The following CHFR variants were observed in gnomAD, a reference collection of about 807,000 sequenced individuals.
The protein encoded by CHFR is checkpoint with forkhead and ring finger domains, also known as E3 ubiquitin-protein ligase CHFR.
In CHFR, 57 loss-of-function variants were observed where a neutral mutation model predicts 87.6. The observed-to-expected ratio is 0.65, with a 90% CI of 0.53 to 0.81. The LOEUF is 0.81. CHFR is among the 30% of genes least tolerant of loss of function. The pLI, the probability that CHFR is intolerant of heterozygous loss-of-function variation, is 0.00. For missense variants in CHFR, 797 were observed against 865.8 expected (o/e 0.92, Z 1.00); for synonymous variants, 381 against 359.2 (o/e 1.06, Z -0.69).
chr12:132,884,988 T>G (rs1002734858), intron 2 of CHFR, among the ~76,000 whole-genome samples: 5 of 151,812 alleles, frequency 3.3e-5, no homozygotes, highest in African/African-American at 1.2e-4. Flanking sequence ...CTCGGGAGGC[T>G]GAGGCAGGAG....
intron 6 of CHFR, among the ~76,000 whole-genome samples, chr12:132,864,958 C>T (rs1246290421): frequency 6.6e-6 from 1 of 152,224 alleles, no homozygotes; most frequent in Non-Finnish European, 1.5e-5. Context: ...GTTTTCTTTA[C>T]AGGCCAGAGC....
intron 11 of CHFR, among the ~76,000 whole-genome samples, chr12:132,852,004 G>A (rs1442380479): frequency 1.4e-5 from 2 of 146,678 alleles, no homozygotes; most frequent in Non-Finnish European, 3.0e-5. Context: ...TTTTTTTTGA[G>A]ACAGAGTCTC....
At chr12:132,848,295 T>G in intron 13 of CHFR, 140 bp from the exon 14 acceptor site, 1 of 1,460,164 alleles carries the variant, frequency 6.8e-7, no homozygotes, top group South Asian at 1.2e-5. Flanking sequence ...AAACTCAATT[T>G]TAAACAGAGG....
intron 2 of CHFR, 118 bp downstream of exon 2, chr12:132,887,078 T>G (rs1951912796): frequency 4.5e-4 from 366 of 820,132 alleles, no homozygotes; most frequent in Non-Finnish European, 6.0e-4. Flanking sequence ...AGTTCTTACA[T>G]GACATTTCAC....
Position 132,835,418 on chromosome 12 carries a change from T to C in CHFR, c.*6136A>G, listed in dbSNP as rs1950638483. 3 of 152,770 alleles carry C rather than the reference T, an allele frequency of 2.0e-5. No individual in the cohort carries two copies. Among genetic ancestry groups the C allele is most frequent in the Admixed American group, 1.3e-4 (2 of 15,336 alleles). 9.5% of individuals were successfully genotyped at this position (152,770 alleles called of 1,614,324 possible). Reference sequence around the variant, plus strand: ...TGAATTTGGGTGTCATGCCTGCACGTGGGCCATGCTAATCTTCTCTATATC... The same window carrying C: ...TGAATTTGGGTGTCATGCCTGCACGCGGGCCATGCTAATCTTCTCTATATC... On this transcript the variant is annotated 3_prime_UTR_variant, in exon 18 of 18. Coordinates refer to ENST00000450056, the MANE Select transcript of CHFR (RefSeq NM_001161346.2).
intron 4 of CHFR, among the ~76,000 whole-genome samples, chr12:132,871,085 G>A (rs1177686297): frequency 1.3e-5 from 2 of 152,194 alleles, no homozygotes; most frequent in East Asian, 3.8e-4. Context: ...TGTGGCCAGG[G>A]GCTGGTTAAG....
At chr12:132,843,165 C>T (rs1248045262) in intron 16 of CHFR, 82 bp from the exon 17 acceptor site, 10 of 1,254,788 alleles carry the variant, frequency 8.0e-6, no homozygotes, top group African/African-American at 2.9e-5. Flanking sequence ...AGAGACCCAA[C>T]GACAGACGCT....
intron 6 of CHFR, among the ~76,000 whole-genome samples, chr12:132,868,791 G>A (rs946366170): frequency 2.7e-5 from 4 of 150,144 alleles, no homozygotes; most frequent in African/African-American, 9.8e-5. Flanking sequence ...GAGGGGACAT[G>A]GGGAGTGACT....
intron 8 of CHFR, 132 bp downstream of exon 8, chr12:132,858,936 G>T: frequency 1.2e-6 from 1 of 840,686 alleles, no homozygotes; most frequent in Non-Finnish European, 1.8e-6. Flanking sequence ...ACTTATCTGG[G>T]TGACAGAGTA....
intron 11 of CHFR, among the ~76,000 whole-genome samples, chr12:132,852,268 A>G (rs142112731): frequency 0.034 from 5,173 of 151,992 alleles, 291 homozygotes; most frequent in African/African-American, 0.12. Context: ...GATTACAGGC[A>G]TGAGCCACCG....
chr12:132,848,040 G>A (rs1285710011), intron 14 of CHFR, 45 bp downstream of exon 14: 6 of 1,613,512 alleles, frequency 3.7e-6, no homozygotes, highest in Middle Eastern at 1.7e-4. Context: ...CTGCACTAGG[G>A]AGAAAATGTG....
chr12:132,843,170 G>A (rs897434066), intron 16 of CHFR, 87 bp from the exon 17 acceptor site: 28 of 1,223,280 alleles, frequency 2.3e-5, no homozygotes, highest in Non-Finnish European at 3.3e-5. Context: ...CCCAACGACA[G>A]ACGCTGCGGT....
intron 6 of CHFR, among the ~76,000 whole-genome samples, chr12:132,864,482 T>A (rs1480330586): frequency 6.6e-6 from 1 of 152,306 alleles, no homozygotes; most frequent in South Asian, 2.1e-4. Flanking sequence ...GAATTTTTAT[T>A]TTTTATTATT....
chr12:132,880,171 G>C (rs1951733670), intron 2 of CHFR, among the ~76,000 whole-genome samples: 1 of 152,194 alleles, frequency 6.6e-6, no homozygotes, highest in African/African-American at 2.4e-5. Context: ...TCATGCTATA[G>C]TAAACAATAC....
At chr12:132,871,521 C>T (rs1400868478) in intron 4 of CHFR, among the ~76,000 whole-genome samples, 6 of 152,052 alleles carry the variant, frequency 3.9e-5, no homozygotes, top group Non-Finnish European at 2.9e-5. Context: ...CCTGTAATCC[C>T]AGCACTTTGG....
intron 15 of CHFR, among the ~76,000 whole-genome samples, 161 bp downstream of exon 15, chr12:132,846,882 A>T (rs1248666854): frequency 1.3e-5 from 2 of 152,128 alleles, no homozygotes; most frequent in Non-Finnish European, 1.5e-5. Flanking sequence ...CTCCATCTCA[A>T]AAAACAAACA....
Position 132,832,995 on chromosome 12 carries a change from A to T in CHFR, c.*8559T>A, listed in dbSNP as rs955066891. On this transcript the variant is annotated 3_prime_UTR_variant, in exon 18 of 18. Coordinates refer to ENST00000450056, the MANE Select transcript of CHFR (RefSeq NM_001161346.2). ...GGACATTTCATAGAAATGGGATCAT[A>T]TCGTATGTGGCCTTCTGTGACGCCT... is the stretch of plus-strand genomic sequence containing the variant. 1.3e-5 allele frequency: 2 copies of T among 151,932 alleles called. No homozygotes were observed. Among genetic ancestry groups the T allele is most frequent in the Non-Finnish European group, 2.9e-5 (2 of 67,920 alleles). 9.4% of individuals were successfully genotyped at this position (151,932 alleles called of 1,614,324 possible). A position where few individuals can be genotyped will look rare whatever the true frequency, so the allele number is the denominator to read the frequency against.
chr12:132,850,146 G>A (rs560669545), intron 12 of CHFR, among the ~76,000 whole-genome samples: 7 of 152,172 alleles, frequency 4.6e-5, no homozygotes, highest in Admixed American at 2.6e-4. Flanking sequence ...GTAGAGATGG[G>A]ATTTCACCAT....
intron 16 of CHFR, among the ~76,000 whole-genome samples, chr12:132,843,408 A>C (rs1950743034): frequency 6.6e-6 from 1 of 152,128 alleles, no homozygotes; most frequent in Admixed American, 6.5e-5. Flanking sequence ...CCTGGGCGAC[A>C]GAGTCAGACT....
Sources: gnomAD v4.1 joint callset for allele counts (sites outside exome capture counted in the v4.1 genomes callset) on GRCh38, gnomAD v4.1.1 for gene constraint, MANE v1.5 for transcripts, NCBI Gene and HGNC (gene_info 2026-07-23, HGNC 2026-07-21) for gene names.